The following USP6NL variants were observed in gnomAD, a reference collection of about 807,000 sequenced individuals.
USP6NL encodes USP6 N-terminal-like protein.
Under a neutral mutation model 61.9 loss-of-function variants are expected in USP6NL, and 26 were observed. The ratio of observed to expected loss-of-function variants is 0.42; its 90% CI spans 0.31 to 0.58. USP6NL has a LOEUF of 0.58. Among genes scored for constraint, USP6NL ranks in the 20% least tolerant of loss-of-function variants. USP6NL has a pLI of 0.16. For synonymous variants in USP6NL, 432 were observed against 390.1 expected (o/e 1.11, Z -1.27); for missense variants, 1,114 against 1,034.3 (o/e 1.08, Z -1.06).
chr10:11,573,494 CAA>C (rs1837433588), intron 2 of USP6NL: 1 of 395,172 alleles, frequency 2.5e-6, no homozygotes, highest in African/African-American at 2.1e-5. Context: ...ATCAGAAATG[CAA>C]AAGCATACAC....
chr10:11,481,971 G>A lies in USP6NL; in HGVS notation c.926-49C>T. On this transcript the variant is annotated intron_variant, in intron 13 of 14. Coordinates refer to ENST00000609104, the MANE Select transcript of USP6NL (RefSeq NM_014688.5). This position sits in a 1 kb window ranked among gnomAD's most constrained non-coding sequence, Gnocchi z 4.4. The stretch of plus-strand genomic sequence containing the variant: ...AAATGCCAAGTCAATAGCTACTTTA[G>A]GTAGGAAGATATTCTATTATATTCA... 6.5e-7 allele frequency: 1 copy of A among 1,532,240 alleles called. No homozygotes were observed. Among genetic ancestry groups the A allele is most frequent in the Non-Finnish European group, 8.8e-7 (1 of 1,139,350 alleles). The allele number at this position is 1,532,240 out of a possible 1,614,324, so 94.9% of individuals were successfully genotyped here. A position where few individuals can be genotyped will look rare whatever the true frequency, so the allele number is the denominator to read the frequency against.
chr10:11,488,172 G>T (rs185244758), intron 10 of USP6NL, among the ~76,000 whole-genome samples: 1 of 152,154 alleles, frequency 6.6e-6, no homozygotes, highest in African/African-American at 2.4e-5. Flanking sequence ...AGTATTTTGG[G>T]AGGCTGAGGC....
chr10:11,485,148 G>A lies in USP6NL; in HGVS notation c.825+21C>T. On this transcript the variant is annotated intron_variant, in intron 12 of 14. Transcript: ENST00000609104. This position sits in a 1 kb window ranked among gnomAD's most constrained non-coding sequence, Gnocchi z 4.8. ...CTTGTATTTATAATTTTATGACTGA[G>A]TTTTGTAAATAAATACTTACACGAT... The A allele has an allele frequency of 6.5e-7, 1 of 1,537,982 alleles. No individual in the cohort carries two copies. Among genetic ancestry groups the A allele is most frequent in the African/African-American group, 1.4e-5 (1 of 72,240 alleles).
At position 11,595,056 on chromosome 10, in the gene USP6NL, AT is replaced by A. The variant is rs532509238; in HGVS notation, c.4+2574del. On this transcript the variant is annotated intron_variant, in intron 2 of 14. Coordinates refer to ENST00000609104, the MANE Select transcript of USP6NL (RefSeq NM_014688.5). This position sits in a 1 kb window ranked among gnomAD's most constrained non-coding sequence, Gnocchi z 5.3. The stretch of plus-strand genomic sequence containing the variant: ...GAACTAGCAGACTACTCAGAAGCTG[AT>A]TTTTTTAAAAGAATCTGAAGTGGGA... 2.0e-5 allele frequency among the ~76,000 whole-genome samples: 3 copies of A among 152,302 alleles called. No individual in the cohort carries two copies. Among genetic ancestry groups the A allele is most frequent in the African/African-American group, 7.2e-5 (3 of 41,566 alleles).
chr10:11,460,982 T>C lies in USP6NL; in HGVS notation c.*1459A>G, dbSNP rs951693361. 6.6e-5 allele frequency: 10 copies of C among 152,204 alleles called. No individual in the cohort carries two copies. The highest frequency in any genetic ancestry group is 2.4e-4 in the African/African-American group (10 of 41,448). 9.4% of individuals were successfully genotyped at this position (152,204 alleles called of 1,614,324 possible). On this transcript the variant is annotated 3_prime_UTR_variant, in exon 15 of 15. Transcript: ENST00000609104. ...TTAGACTCATTATATACATAAAATATATTGTCACATTCACTAGCTAAACAA... is the reference window on the plus strand; with the variant it reads ...TTAGACTCATTATATACATAAAATACATTGTCACATTCACTAGCTAAACAA...
At chr10:11,505,360 G>A (rs747543873) in intron 6 of USP6NL, among the ~76,000 whole-genome samples, 18 of 152,068 alleles carry the variant, frequency 1.2e-4, no homozygotes, top group Non-Finnish European at 1.6e-4. Context: ...TAATATTACT[G>A]CATCCCTAAA....
chr10:11,486,764 G>C (rs1279193520), intron 10 of USP6NL, among the ~76,000 whole-genome samples: 1 of 152,142 alleles, frequency 6.6e-6, no homozygotes, highest in African/African-American at 2.4e-5. Flanking sequence ...GCTTATTAAT[G>C]TTCTTGCCTT....
chr10:11,551,036 A>T (rs1419624244), intron 2 of USP6NL, among the ~76,000 whole-genome samples: 1 of 152,216 alleles, frequency 6.6e-6, no homozygotes, highest in East Asian at 1.9e-4. Flanking sequence ...GCGTGAAAAT[A>T]CAAAATGGTA....
chr10:11,608,369 T>C (rs948262722), intron 1 of USP6NL, among the ~76,000 whole-genome samples: 1 of 152,224 alleles, frequency 6.6e-6, no homozygotes, highest in Non-Finnish European at 1.5e-5. Flanking sequence ...TTCATTCAGA[T>C]GATCCAAGAA....
chr10:11,548,390 ATACT>A lies in USP6NL; in HGVS notation c.5-20827_5-20824del, dbSNP rs1331354059. Among the ~76,000 whole-genome samples, 4 of 152,200 alleles carry A rather than the reference ATACT, an allele frequency of 2.6e-5. No individual in the cohort carries two copies. Among genetic ancestry groups the A allele is most frequent in the Non-Finnish European group, 4.4e-5 (3 of 68,022 alleles). On this transcript the variant is annotated intron_variant, in intron 2 of 14. Coordinates refer to ENST00000609104, the MANE Select transcript of USP6NL (RefSeq NM_014688.5). The surrounding 1 kb of genome is among the most constrained non-coding windows in gnomAD (Gnocchi z 4.3). ...CAATTTAATGGGTTCTTATTAGCAC[ATACT>A]TAATTAAAATATCTCAGACCTCTCT...
In USP6NL at chr10:11,462,900, G is replaced by A. The variant is rs767378536; in HGVS notation, c.2028C>T (p.Ser676=). ...AAGATTTCTCCGGAGAAGCACTGACGGAAAGAGTAGAACCATGAGGTCTCC... is the reference window on the plus strand; with the variant it reads ...AAGATTTCTCCGGAGAAGCACTGACAGAAAGAGTAGAACCATGAGGTCTCC... ...PSRRPHGSTL[S]VSASPEKSYS... The change falls in exon 15 of 15, where the codon TCC becomes TCT. Residue 676 remains serine (S), a synonymous_variant. Transcript: ENST00000609104. The A allele has an allele frequency of 4.5e-5, 72 of 1,613,498 alleles. No individual in the cohort carries two copies. In the East Asian group the frequency reaches 8.7e-4, roughly 19 times the overall value.
At chr10:11,497,971 C>T (rs946406805) in intron 7 of USP6NL, among the ~76,000 whole-genome samples, 1 of 152,110 alleles carries the variant, frequency 6.6e-6, no homozygotes, top group African/African-American at 2.4e-5. Context: ...GGCACAGTGG[C>T]TCACGCCTGT....
In USP6NL at chr10:11,532,546, C is replaced by A. The variant is rs1410204586; in HGVS notation, c.5-4979G>T. Among the ~76,000 whole-genome samples the A allele has an allele frequency of 6.6e-6, 1 of 152,176 alleles. No individual in the cohort carries two copies. On this transcript the variant is annotated intron_variant, in intron 2 of 14. Transcript: ENST00000609104. This position sits in a 1 kb window ranked among gnomAD's most constrained non-coding sequence, Gnocchi z 4.1. Reference sequence around the variant, plus strand: ...CAACTATGAGGCACACCAGCCTACACCAGCATTCCATCCGCTAACAAACAG... The same window carrying A: ...CAACTATGAGGCACACCAGCCTACAACAGCATTCCATCCGCTAACAAACAG...
chr10:11,462,483 C>A lies in USP6NL; in HGVS notation c.2445G>T (p.Arg815Ser). The change falls in exon 15 of 15, where the codon AGG (arginine) becomes AGT (serine). Residue 815 changes from arginine to serine, a missense_variant. By Grantham distance (110) the Arg-to-Ser change is moderately radical (BLOSUM62 -1). Transcript: ENST00000609104. ...SGPPPPAYHYRNRDGLSIQES... is the reference protein window; with the variant it reads ...SGPPPPAYHYSNRDGLSIQES... ...CTTGGATGGAAAGCCCGTCCCGATT[C>A]CTGTAGTGGTAGGCTGGAGGCGGGG... 6.2e-7 allele frequency: 1 copy of A among 1,613,968 alleles called. No individual in the cohort carries two copies. The highest frequency in any genetic ancestry group is 8.5e-7 in the Non-Finnish European group (1 of 1,179,888).
chr10:11,577,728 T>C (rs1837604112), intron 2 of USP6NL, among the ~76,000 whole-genome samples: 1 of 151,732 alleles, frequency 6.6e-6, no homozygotes, highest in Non-Finnish European at 1.5e-5. Flanking sequence ...CTCGAACTCC[T>C]GACCTCAGGT....
At chr10:11,570,137 C>T (rs1837304555) in intron 2 of USP6NL, among the ~76,000 whole-genome samples, 1 of 152,162 alleles carries the variant, frequency 6.6e-6, no homozygotes, top group Non-Finnish European at 1.5e-5. Flanking sequence ...TTCCTTCAGT[C>T]CTCTCACCAC....
At position 11,537,149 on chromosome 10, in the gene USP6NL, C is replaced by T. The variant is rs542150126; in HGVS notation, c.5-9582G>A. On this transcript the variant is annotated intron_variant, in intron 2 of 14. Transcript: ENST00000609104. The surrounding 1 kb of genome is among the most constrained non-coding windows in gnomAD (Gnocchi z 5.1). ...GTTTTGAGACAAGGTCTCACTCTGCCGCCCAGACTGGAGTGCAGTGGCACG... is the reference window on the plus strand; with the variant it reads ...GTTTTGAGACAAGGTCTCACTCTGCTGCCCAGACTGGAGTGCAGTGGCACG... Among the ~76,000 whole-genome samples the T allele has an allele frequency of 1.3e-5, 2 of 152,262 alleles. No homozygotes were observed. The highest frequency in any genetic ancestry group is 2.1e-4 in the South Asian group (1 of 4,830).
Position 11,462,402 on chromosome 10 carries a change from G to C in USP6NL, c.*39C>G, listed in dbSNP as rs772765359. 11 of 1,587,230 alleles carry C rather than the reference G, an allele frequency of 6.9e-6. No individual in the cohort carries two copies. The highest frequency in any genetic ancestry group is 9.4e-6 in the Non-Finnish European group (11 of 1,166,872). On this transcript the variant is annotated 3_prime_UTR_variant, in exon 15 of 15. Coordinates refer to ENST00000609104, the MANE Select transcript of USP6NL (RefSeq NM_014688.5). The stretch of plus-strand genomic sequence containing the variant: ...ATGAACATAGCAATGTAGGTTTCAC[G>C]TGGTTTCTCTCTCGTCTTTAGCAAG...
intron 10 of USP6NL, among the ~76,000 whole-genome samples, chr10:11,486,337 G>T (rs1436478950): frequency 2.0e-5 from 3 of 151,864 alleles, no homozygotes; most frequent in African/African-American, 7.3e-5. Flanking sequence ...CTTACTCTAA[G>T]AATTTCATTA....
Sources: gnomAD v4.1 joint callset for allele counts (sites outside exome capture counted in the v4.1 genomes callset) on GRCh38, gnomAD v4.1.1 for gene constraint, Gnocchi (gnomAD v3.1) non-coding constraint, MANE v1.5 for transcripts, NCBI Gene and HGNC (gene_info 2026-07-23, HGNC 2026-07-21) for gene names.